The following NLN variants were observed in gnomAD, a reference collection of about 807,000 sequenced individuals.
NLN encodes the protein neurolysin, mitochondrial.
NLN carries 64 observed loss-of-function variants against 79.9 expected under a neutral mutation model. The observed-to-expected ratio is 0.80, with a 90% confidence interval of 0.65 to 0.99. The LOEUF is 0.99. NLN is among the 50% of genes least tolerant of loss of function. The pLI is 0.00. For missense variants in NLN, 835 were observed against 858.7 expected, an observed-to-expected ratio of 0.97 and a Z score of 0.34; for synonymous variants, 267 against 296.6, an observed-to-expected ratio of 0.90 and a Z score of 1.02.
intron 1 of NLN, among the ~76,000 whole-genome samples, chr5:65,746,260 A>G (rs1013337274): frequency 4.6e-5 from 7 of 152,226 alleles, no homozygotes; most frequent in African/African-American, 1.7e-4. Context: ...GATAAAAATC[A>G]TGAGGGAACA....
At chr5:65,771,203 A>G (rs903060010) in intron 3 of NLN, among the ~76,000 whole-genome samples, 1 of 152,240 alleles carries the variant, frequency 6.6e-6, no homozygotes, top group African/African-American at 2.4e-5. Context: ...AGTGAAAACA[A>G]GGACTTCCTC....
rs199658745 is a variant in NLN, at chr5:65,785,814, A to G, written c.862A>G (p.Thr288Ala). The G allele has an allele frequency of 6.4e-5, 103 of 1,613,814 alleles. No individual in the cohort carries two copies. The highest frequency in any genetic ancestry group is 7.8e-5 in the Non-Finnish European group (92 of 1,179,858). The change falls in exon 7 of 13, where the codon ACC (threonine) becomes GCC (alanine). Residue 288 changes from threonine (T) to alanine (A), a missense_variant. Transcript: ENST00000380985. ...IILQQLLPLR[T>A]KVAKLLGYST... ...TTTGCAGCAGCTACTCCCACTGCGA[A>G]CCAAGGTGGCCAAACTACTCGGTTA... is the stretch of plus-strand genomic sequence containing the variant.
chr5:65,791,731 A>T (rs557980464), intron 8 of NLN, among the ~76,000 whole-genome samples: 9 of 152,212 alleles, frequency 5.9e-5, no homozygotes, highest in East Asian at 1.9e-4. Context: ...TCAAAAAAAA[A>T]AAAATAAAAA....
rs573728385 is a variant in NLN at position 65,806,306 on chromosome 5, C to T, written c.1528-3209C>T. Among the ~76,000 whole-genome samples, 16 of 152,298 alleles carry T rather than the reference C, an allele frequency of 1.1e-4. No homozygotes were observed. The South Asian group carries it at 1.2e-3, about 12-fold the overall frequency. ...ACAGCTGCCATATATAGTAATTTCT[C>T]TGAGGGATCTTGGCAAAGTACATTG... On this transcript the variant is annotated intron_variant, in intron 9 of 12. Transcript: ENST00000380985.
At chr5:65,785,037 GTA>G (rs1011129678) in intron 6 of NLN, among the ~76,000 whole-genome samples, 2 of 152,110 alleles carry the variant, frequency 1.3e-5, no homozygotes, top group Non-Finnish European at 2.9e-5. Flanking sequence ...ATATTCCATT[GTA>G]TATATATACC....
At chr5:65,768,701 T>G (rs1759505336) in intron 3 of NLN, among the ~76,000 whole-genome samples, 2 of 152,236 alleles carry the variant, frequency 1.3e-5, no homozygotes, top group Non-Finnish European at 1.5e-5. Flanking sequence ...TCTTCCTGGC[T>G]TGCAAATGGC....
intron 5 of NLN, 24 bp from the exon 6 acceptor site, chr5:65,781,237 A>G (rs1481608671): frequency 3.2e-6 from 5 of 1,564,438 alleles, no homozygotes; most frequent in African/African-American, 1.4e-5. Flanking sequence ...AAAATTTGAT[A>G]TATGAGAAAA....
intron 1 of NLN, among the ~76,000 whole-genome samples, chr5:65,741,242 G>A (rs1035811353): frequency 1.3e-5 from 2 of 151,988 alleles, no homozygotes; most frequent in African/African-American, 4.8e-5. Flanking sequence ...AATTGCTTTG[G>A]TTATTTGGAA....
intron 1 of NLN, among the ~76,000 whole-genome samples, chr5:65,735,172 C>T (rs1274477175): frequency 6.6e-6 from 1 of 152,098 alleles, no homozygotes; most frequent in East Asian, 1.9e-4. Context: ...TTCCTGCCAC[C>T]ACATGAATAA....
intron 1 of NLN, among the ~76,000 whole-genome samples, chr5:65,750,171 G>A (rs1759073258): frequency 6.6e-6 from 1 of 152,250 alleles, no homozygotes; most frequent in Non-Finnish European, 1.5e-5. Flanking sequence ...AGTCAGTGCT[G>A]TCCGTTCGAA....
chr5:65,802,794 G>A (rs770102437), intron 9 of NLN, among the ~76,000 whole-genome samples: 2 of 152,188 alleles, frequency 1.3e-5, no homozygotes, highest in African/African-American at 2.4e-5. Context: ...AGTAGACCCT[G>A]GAGTGGATAG....
In NLN at chr5:65,826,048, C is replaced by T. The variant is rs1579980070; in HGVS notation, c.*3133C>T. 2 of 152,220 alleles carry T rather than the reference C, an allele frequency of 1.3e-5. No individual in the cohort carries two copies. The highest frequency in any genetic ancestry group is 1.9e-4 in the East Asian group (1 of 5,200). The allele number at this position is 152,220 out of a possible 1,614,324, so 9.4% of individuals were successfully genotyped here. On this transcript the variant is annotated 3_prime_UTR_variant, in exon 13 of 13. Transcript: ENST00000380985. ...CAGTTCTGGAAGCTGGGAAGTCCCA[C>T]AATCCACATGCTGGTAAATTTGGTT...
At chr5:65,789,809 A>G (rs995437918) in intron 8 of NLN, among the ~76,000 whole-genome samples, 4 of 152,208 alleles carry the variant, frequency 2.6e-5, no homozygotes, top group Non-Finnish European at 5.9e-5. Flanking sequence ...GTCTGCCAAT[A>G]ATCTATGGCC....
chr5:65,768,675 G>C (rs1759504901), intron 3 of NLN, among the ~76,000 whole-genome samples: 1 of 152,220 alleles, frequency 6.6e-6, no homozygotes, highest in Non-Finnish European at 1.5e-5. Context: ...GCATGGTTGG[G>C]TTCTGGTGAG....
rs1015101969 is a variant in NLN, at chr5:65,824,277, T to G, written c.*1362T>G. 1.3e-5 allele frequency: 2 copies of G among 152,214 alleles called. No individual in the cohort carries two copies. Among genetic ancestry groups the G allele is most frequent in the African/African-American group, 4.8e-5 (2 of 41,448 alleles). 9.4% of individuals were successfully genotyped at this position (152,214 alleles called of 1,614,324 possible). On this transcript the variant is annotated 3_prime_UTR_variant, in exon 13 of 13. Coordinates refer to ENST00000380985, the MANE Select transcript of NLN (RefSeq NM_020726.5). ...TCTCTAGTCCAAATGAACTTTGTGCTAAATAAAAAATTATTATACTACATA... is the reference window on the plus strand; with the variant it reads ...TCTCTAGTCCAAATGAACTTTGTGCGAAATAAAAAATTATTATACTACATA...
At chr5:65,780,664 T>C (rs1759781289) in intron 5 of NLN, among the ~76,000 whole-genome samples, 1 of 152,094 alleles carries the variant, frequency 6.6e-6, no homozygotes, top group Non-Finnish European at 1.5e-5. Flanking sequence ...GTCCTGGGTC[T>C]TTTTTCTTTT....
At chr5:65,747,819 A>G (rs944333374) in intron 1 of NLN, among the ~76,000 whole-genome samples, 11 of 152,286 alleles carry the variant, frequency 7.2e-5, no homozygotes, top group African/African-American at 2.2e-4. Context: ...CAGTTGCAGG[A>G]TGTTAGTGGC....
rs1760928050 is a variant in NLN, at chr5:65,826,808, G to A, written c.*3893G>A. ...TAGTCCCAGCTACTTGGGAGGCTGA[G>A]GTGGGAGGATTGCTTGAGCCCAAGA... is the stretch of plus-strand genomic sequence containing the variant. On this transcript the variant is annotated 3_prime_UTR_variant, in exon 13 of 13. Coordinates refer to ENST00000380985, the MANE Select transcript of NLN (RefSeq NM_020726.5). 1 of 152,132 alleles carries A rather than the reference G, an allele frequency of 6.6e-6. No homozygotes were observed. The highest frequency in any genetic ancestry group is 1.5e-5 in the Non-Finnish European group (1 of 68,108). 9.4% of individuals were successfully genotyped at this position (152,132 alleles called of 1,614,324 possible). A position where few individuals can be genotyped will look rare whatever the true frequency, so the allele number is the denominator to read the frequency against.
intron 9 of NLN, among the ~76,000 whole-genome samples, chr5:65,808,248 G>T (rs563099013): frequency 6.6e-6 from 1 of 152,302 alleles, no homozygotes; most frequent in African/African-American, 2.4e-5. Flanking sequence ...GTGAGATGGC[G>T]TTGACATCTG....
Sources: allele counts gnomAD v4.1 joint callset (sites outside exome capture counted in the v4.1 genomes callset), GRCh38; gene constraint gnomAD v4.1.1; transcripts MANE v1.5; gene names NCBI Gene and HGNC (gene_info 2026-07-23, HGNC 2026-07-21).